B9D1: variants seen among roughly 807,000 people sequenced by gnomAD.
The protein encoded by B9D1 is B9 domain containing 1, also known as B9 domain-containing protein 1.
In B9D1, 20 loss-of-function variants were observed where a neutral mutation model predicts 26.1. The ratio of observed to expected loss-of-function variants is 0.77; its 90% CI spans 0.54 to 1.12. The LOEUF (loss-of-function observed/expected upper bound fraction) is 1.12, where lower values mean the gene tolerates loss of function less well. B9D1 is among the 50% of genes most tolerant of loss of function. The pLI is 0.00. For synonymous variants in B9D1, 105 were observed against 103.1 expected (o/e 1.02, Z -0.11); for missense variants, 260 against 273.7 (o/e 0.95, Z 0.35).
At chr17:19,348,007 G>A in intron 3 of B9D1, 127 bp from the exon 4 acceptor site, 1 of 796,830 alleles carries the variant, frequency 1.3e-6, no homozygotes. Flanking sequence ...TGGCAGGCTT[G>A]AGAGGGGACA....
rs1910802768 is a variant in B9D1, at chr17:19,359,741, G to A, written c.132+579C>T. On this transcript the variant is annotated intron_variant, in intron 2 of 6. Transcript: ENST00000261499. This position sits in a 1 kb window ranked among gnomAD's most constrained non-coding sequence, Gnocchi z 5.0. ...AGACAATCAATAAAGGGAAAAGAAG[G>A]ATTATCATCTCAGTTGTACAAATGA... 6.6e-6 allele frequency among the ~76,000 whole-genome samples: 1 copy of A among 152,228 alleles called. No individual in the cohort carries two copies. Among genetic ancestry groups the A allele is most frequent in the African/African-American group, 2.4e-5 (1 of 41,458 alleles).
At position 19,347,911 on chromosome 17, in the gene B9D1, A is replaced by G. The variant is rs376515485; in HGVS notation, c.245-31T>C. On this transcript the variant is annotated intron_variant, in intron 3 of 6. Coordinates refer to ENST00000261499, the MANE Select transcript of B9D1 (RefSeq NM_015681.6). The surrounding 1 kb of genome is among the most constrained non-coding windows in gnomAD (Gnocchi z 4.3). ...GAAGGACAAGGCAGGGGGTGGGCAC[A>G]TGAGGACACACAGGGGAGGTGCAGG... 1 of 1,589,720 alleles carries G rather than the reference A, an allele frequency of 6.3e-7. No homozygotes were observed. Among genetic ancestry groups the G allele is most frequent in the Non-Finnish European group, 8.6e-7 (1 of 1,158,606 alleles).
rs1046425051 is a variant in B9D1, at chr17:19,362,542, G to C, written c.28C>G (p.Leu10Val). 1.3e-6 allele frequency: 2 copies of C among 1,588,938 alleles called. No homozygotes were observed. The highest frequency in any genetic ancestry group is 2.7e-5 in the African/African-American group (2 of 74,696). MATASPSVF[L>V]LMVNGQVESA... The stretch of plus-strand genomic sequence containing the variant: ...TCCACCTGCCCGTTGACCATGAGTA[G>C]AAAGACGCTAGGACTCGCGGTCGCC... Residue 10 changes from leucine to valine, a missense_variant, in exon 1 of 7, where the codon CTA (leucine) becomes GTA (valine). By Grantham distance (32) the Leu-to-Val change is conservative (BLOSUM62 1). Transcript: ENST00000261499.
chr17:19,354,319 C>CAGTCA, intron 3 of B9D1, among the ~76,000 whole-genome samples: 1 of 152,322 alleles, frequency 6.6e-6, no homozygotes, highest in East Asian at 1.9e-4. Flanking sequence ...CCCCATGCCT[C>CAGTCA]AGTCAACTCT....
At chr17:19,346,264 T>G (rs1307145151) in intron 5 of B9D1, among the ~76,000 whole-genome samples, 1 of 152,178 alleles carries the variant, frequency 6.6e-6, no homozygotes, top group African/African-American at 2.4e-5. Context: ...CTAGGGGCAG[T>G]AGGCACACAA....
At chr17:19,377,330 CA>C (rs1033675040) in intron 1 of B9D1, among the ~76,000 whole-genome samples, 1 of 151,964 alleles carries the variant, frequency 6.6e-6, no homozygotes, top group African/African-American at 2.4e-5. Flanking sequence ...GTGAATATAC[CA>C]AAAAACACTG....
downstream of B9D1, among the ~76,000 whole-genome samples, chr17:19,340,033 A>ACCCCCCCCCCCCCCCCC (rs56279237): frequency 1.8e-5 from 2 of 110,552 alleles, no homozygotes; most frequent in Admixed American, 1.1e-4. Flanking sequence ...CACATGCCCA[A>ACCCCCCCCCCCCCCCCC]CCCCCCCCCC....
intron 1 of B9D1, among the ~76,000 whole-genome samples, chr17:19,369,369 G>GA (rs1349642319): frequency 1.3e-5 from 2 of 152,196 alleles, no homozygotes; most frequent in African/African-American, 4.8e-5. Flanking sequence ...GTGTCATGCT[G>GA]GTAGCTTGCG....
At chr17:19,353,753 C>G (rs1909980383) in intron 3 of B9D1, among the ~76,000 whole-genome samples, 1 of 152,090 alleles carries the variant, frequency 6.6e-6, no homozygotes, top group Non-Finnish European at 1.5e-5. Flanking sequence ...CCAGCATGAC[C>G]AACATGGAAA....
Position 19,347,156 on chromosome 17 carries a change from G to A in B9D1, c.404+113C>T. 6.2e-7 allele frequency: 1 copy of A among 1,611,724 alleles called. No individual in the cohort carries two copies. Among genetic ancestry groups the A allele is most frequent in the Non-Finnish European group, 8.5e-7 (1 of 1,178,730 alleles). ...ACCTGTTTCTATTTGTCCTCAGTGGGTGGAGCAGCTTGCAGATCTGAGGAG... is the reference window on the plus strand; with the variant it reads ...ACCTGTTTCTATTTGTCCTCAGTGGATGGAGCAGCTTGCAGATCTGAGGAG... On this transcript the variant is annotated intron_variant, in intron 5 of 6. Coordinates refer to ENST00000261499, the MANE Select transcript of B9D1 (RefSeq NM_015681.6). The surrounding 1 kb of genome is among the most constrained non-coding windows in gnomAD (Gnocchi z 4.3).
chr17:19,358,586 G>A (rs1167779650), intron 2 of B9D1, among the ~76,000 whole-genome samples: 1 of 152,168 alleles, frequency 6.6e-6, no homozygotes, highest in African/African-American at 2.4e-5. Context: ...CCCATCAGCA[G>A]CACCTGATGC....
In B9D1 at chr17:19,362,718, G is replaced by C. The variant is rs1567907410; in HGVS notation, c.-149C>G. The C allele has an allele frequency of 1.3e-6, 2 of 1,526,454 alleles. No homozygotes were observed. The highest frequency in any genetic ancestry group is 2.0e-5 in the Admixed American group (1 of 50,678). The allele number at this position is 1,526,454 out of a possible 1,614,324, so 94.6% of individuals were successfully genotyped here. A position where few individuals can be genotyped will look rare whatever the true frequency, so the allele number is the denominator to read the frequency against. On this transcript the variant is annotated 5_prime_UTR_variant, in exon 1 of 7. Transcript: ENST00000261499. ...CGAAGGCCACGCGAGTGCGCGTGTGGCATGCGCAGGCGCAGTGAACGGGCG... is the reference window on the plus strand; with the variant it reads ...CGAAGGCCACGCGAGTGCGCGTGTGCCATGCGCAGGCGCAGTGAACGGGCG...
intron 5 of B9D1, among the ~76,000 whole-genome samples, chr17:19,346,546 G>A (rs1483028775): frequency 6.6e-6 from 1 of 152,234 alleles, no homozygotes; most frequent in East Asian, 1.9e-4. Flanking sequence ...TGGTCCTCGA[G>A]TCAGAAGGCC....
intron 1 of B9D1, among the ~76,000 whole-genome samples, chr17:19,360,755 A>G (rs1276305803): frequency 1.3e-5 from 2 of 152,190 alleles, no homozygotes; most frequent in Non-Finnish European, 2.9e-5. Flanking sequence ...CATAAAAGCA[A>G]TGATTGCCTG....
At chr17:19,335,548 C>T (rs1023538066), downstream of B9D1, 62 of 1,436,426 alleles carry the variant, frequency 4.3e-5, no homozygotes, top group Non-Finnish European at 5.2e-5. Context: ...GCAGTTGTCC[C>T]GAGGGCGTGG....
chr17:19,362,486 G>A, intron 1 of B9D1, 21 bp downstream of exon 1: 6 of 1,539,166 alleles, frequency 3.9e-6, no homozygotes, highest in Non-Finnish European at 5.3e-6. Context: ...GCGGGCCCCG[G>A]CGGGGTCCAC....
chr17:19,357,414 T>C (rs149742703), intron 3 of B9D1, among the ~76,000 whole-genome samples: 2 of 152,154 alleles, frequency 1.3e-5, no homozygotes, highest in East Asian at 3.9e-4. Context: ...TGGATCGGCA[T>C]GAATAAAGCT....
chr17:19,377,147 A>T (rs1912169224), intron 1 of B9D1, among the ~76,000 whole-genome samples: 1 of 152,260 alleles, frequency 6.6e-6, no homozygotes. Context: ...CACATGTTGT[A>T]GGACCTCCTG....
At chr17:19,339,989 C>A (rs1001991159), downstream of B9D1, among the ~76,000 whole-genome samples, 8 of 150,406 alleles carry the variant, frequency 5.3e-5, no homozygotes, top group African/African-American at 2.0e-4. Context: ...GACCTGCAGG[C>A]CGTATGCCTC....
Sources: gnomAD v4.1 joint callset for allele counts (sites outside exome capture counted in the v4.1 genomes callset) on GRCh38, gnomAD v4.1.1 for gene constraint, Gnocchi (gnomAD v3.1) non-coding constraint, MANE v1.5 for transcripts, NCBI Gene and HGNC (gene_info 2026-07-23, HGNC 2026-07-21) for gene names.